The following DAAM2 variants were observed in gnomAD, a reference collection of about 807,000 sequenced individuals.
DAAM2 encodes disheveled-associated activator of morphogenesis 2.
DAAM2 carries 39 observed loss-of-function variants against 120.7 expected under a neutral mutation model. The observed-to-expected ratio is 0.32, with a 90% confidence interval of 0.25 to 0.42. The LOEUF (loss-of-function observed/expected upper bound fraction) is 0.42. Ranked by LOEUF, DAAM2 falls within the 10% of genes least tolerant of loss-of-function variation. DAAM2 has a pLI of 1.00. For missense variants in DAAM2, 1,283 were observed against 1,401.7 expected (o/e 0.92, Z 1.35); for synonymous variants, 488 against 524.9 (o/e 0.93, Z 0.96).
In DAAM2 at chr6:39,897,277, AG is replaced by A; in HGVS notation, c.2614del (p.Val872SerfsTer3). 6.3e-7 allele frequency: 1 copy of A among 1,589,200 alleles called. No individual in the cohort carries two copies. Among genetic ancestry groups the A allele is most frequent in the Non-Finnish European group, 8.6e-7 (1 of 1,157,646 alleles). On this transcript the variant is annotated frameshift_variant, in exon 21 of 25. Coordinates refer to ENST00000274867, the MANE Select transcript of DAAM2 (RefSeq NM_001201427.2). LOFTEE classifies it high-confidence loss of function. ...ELQHLPEAAK[V>X]NLAELEKEVG... ...TGCAACATCTTCCAGAAGCTGCCAAAGTCAAGTGAGGGTTCTCTCCAAGACT... is the reference window on the plus strand; with the variant it reads ...TGCAACATCTTCCAGAAGCTGCCAAATCAAGTGAGGGTTCTCTCCAAGACT...
At chr6:39,813,571 A>C (rs1001322397) in intron 1 of DAAM2, among the ~76,000 whole-genome samples, 1 of 151,764 alleles carries the variant, frequency 6.6e-6, no homozygotes, top group Admixed American at 6.6e-5. Flanking sequence ...TTTTTAAAAA[A>C]AATTCTCTCC....
In DAAM2 at chr6:39,898,346, C is replaced by T. The variant is rs374638745; in HGVS notation, c.2619-531C>T. ...AGAGCTTGGCCTCAAAAAGAGTGTG[C>T]GTACAGTTGGAAGAGTTGGGGCCAT... On this transcript the variant is annotated intron_variant, in intron 21 of 24. Transcript: ENST00000274867. Among the ~76,000 whole-genome samples, 54 of 152,138 alleles carry T rather than the reference C, an allele frequency of 3.5e-4. 3 individuals are homozygous for T. The highest frequency in any genetic ancestry group is 1.8e-3 in the Admixed American group (28 of 15,270).
At chr6:39,831,146 C>T (rs1027251202) in intron 1 of DAAM2, among the ~76,000 whole-genome samples, 3 of 152,128 alleles carry the variant, frequency 2.0e-5, no homozygotes, top group Non-Finnish European at 4.4e-5. Flanking sequence ...GGTAGTAATT[C>T]TAGTCACTGC....
chr6:39,793,774 T>C (rs1338914249), intron 1 of DAAM2, among the ~76,000 whole-genome samples: 2 of 152,158 alleles, frequency 1.3e-5, no homozygotes, highest in African/African-American at 4.8e-5. Context: ...CATCCCTGAG[T>C]AGCACAGTGC....
intron 7 of DAAM2, among the ~76,000 whole-genome samples, chr6:39,870,035 A>G (rs779000837): frequency 6.6e-6 from 1 of 152,176 alleles, no homozygotes; most frequent in Admixed American, 6.5e-5. Context: ...GATCTGTCTG[A>G]TTCCAAAGCT....
At chr6:39,824,004 G>T (rs561545315) in intron 1 of DAAM2, among the ~76,000 whole-genome samples, 38 of 152,194 alleles carry the variant, frequency 2.5e-4, no homozygotes, top group Non-Finnish European at 4.4e-4. Flanking sequence ...TGGTCATTCT[G>T]GTCGTCTTTT....
chr6:39,900,853 T>C (rs1766435103), intron 23 of DAAM2, among the ~76,000 whole-genome samples: 1 of 152,146 alleles, frequency 6.6e-6, no homozygotes, highest in Non-Finnish European at 1.5e-5. Flanking sequence ...ATAGCCACTG[T>C]TTTATAGCCA....
At chr6:39,798,102 G>C (rs1761754210) in intron 1 of DAAM2, among the ~76,000 whole-genome samples, 1 of 152,166 alleles carries the variant, frequency 6.6e-6, no homozygotes, top group Admixed American at 6.5e-5. Context: ...AGGTTTGCTG[G>C]CTCCTGCTCT....
intron 1 of DAAM2, among the ~76,000 whole-genome samples, chr6:39,838,361 C>T (rs531315682): frequency 1.3e-5 from 2 of 152,326 alleles, no homozygotes; most frequent in African/African-American, 2.4e-5. Context: ...GATGGCACCA[C>T]CTTTTCAAAC....
chr6:39,873,253 A>G lies in DAAM2; in HGVS notation c.1060A>G (p.Lys354Glu). Residue 354 changes from lysine (K) to glutamate (E), a missense_variant, in exon 10 of 25, where the codon AAG (lysine) becomes GAG (glutamate). Transcript: ENST00000274867. ...RRFDMVHIDT[K>E]SASQMFELIH... is the part of the protein sequence containing the mutation. ...TCTCTCCCAGGTCCACATCGACACCAAGAGTGCTTCCCAGATGTTTGAGTT... is the reference window on the plus strand; with the variant it reads ...TCTCTCCCAGGTCCACATCGACACCGAGAGTGCTTCCCAGATGTTTGAGTT... The G allele has an allele frequency of 6.2e-7, 1 of 1,612,490 alleles. No homozygotes were observed. Among genetic ancestry groups the G allele is most frequent in the Non-Finnish European group, 8.5e-7 (1 of 1,179,184 alleles).
intron 22 of DAAM2, 76 bp downstream of exon 22, chr6:39,899,013 C>T: frequency 8.3e-7 from 1 of 1,202,646 alleles, no homozygotes; most frequent in Admixed American, 2.2e-5. Flanking sequence ...CCCTAAGCTC[C>T]TACACAGGGG....
At chr6:39,851,480 A>C (rs2149273853) in intron 1 of DAAM2, among the ~76,000 whole-genome samples, 1 of 152,344 alleles carries the variant, frequency 6.6e-6, no homozygotes, top group Non-Finnish European at 1.5e-5. Flanking sequence ...TCTGGCATGT[A>C]GGAAAGTCTC....
chr6:39,859,766 G>GA (rs1162278910), intron 2 of DAAM2, among the ~76,000 whole-genome samples: 1 of 152,052 alleles, frequency 6.6e-6, no homozygotes, highest in Non-Finnish European at 1.5e-5. Flanking sequence ...AATGTGACTA[G>GA]AAAAAATTGA....
chr6:39,818,238 C>A (rs1289499460), intron 1 of DAAM2, among the ~76,000 whole-genome samples: 1 of 147,352 alleles, frequency 6.8e-6, no homozygotes, highest in Non-Finnish European at 1.5e-5. Context: ...GGTATTTGAC[C>A]AAATACCTGG....
chr6:39,897,111 G>T, intron 20 of DAAM2, 64 bp from the exon 21 acceptor site: 1 of 1,515,414 alleles, frequency 6.6e-7, no homozygotes, highest in South Asian at 1.2e-5. Flanking sequence ...TCCATCCTCT[G>T]ACCCTCTGAC....
At chr6:39,845,658 C>A (rs988904268) in intron 1 of DAAM2, among the ~76,000 whole-genome samples, 1 of 152,046 alleles carries the variant, frequency 6.6e-6, no homozygotes, top group African/African-American at 2.4e-5. Flanking sequence ...CCTCCTCCCT[C>A]TCTCTTCCTG....
Position 39,853,919 on chromosome 6 carries a change from A to G in DAAM2, c.-56-2328A>G, listed in dbSNP as rs540224713. 2.0e-5 allele frequency among the ~76,000 whole-genome samples: 3 copies of G among 152,280 alleles called. No homozygotes were observed. In the East Asian group the frequency reaches 5.8e-4, roughly 29 times the overall value. On this transcript the variant is annotated intron_variant, in intron 1 of 24. Transcript: ENST00000274867. ...CACTTGACAATGGGCAGGGGACCCC[A>G]GGGATTCCACCCCTACCTGCCTGAA...
In DAAM2 at chr6:39,879,321, G is replaced by C. The variant is rs760933075; in HGVS notation, c.1689G>C (p.Gly563=). 3 of 1,592,756 alleles carry C rather than the reference G, an allele frequency of 1.9e-6. No homozygotes were observed. Among genetic ancestry groups the C allele is most frequent in the Non-Finnish European group, 8.6e-7 (1 of 1,165,364 alleles). Residue 563 remains glycine (G), a synonymous_variant, in exon 14 of 25, where the codon GGG becomes GGC. Coordinates refer to ENST00000274867, the MANE Select transcript of DAAM2 (RefSeq NM_001201427.2). ...CCCCACCACCACCCCTTCCTCCCGG[G>C]GGACCCCCGACTCCCCCAGGTGCCC... ...PPPPPPPLPP[G]GPPTPPGAPP... is the part of the protein sequence containing the mutation.
At chr6:39,846,995 A>G (rs1763621102) in intron 1 of DAAM2, among the ~76,000 whole-genome samples, 1 of 152,144 alleles carries the variant, frequency 6.6e-6, no homozygotes, top group Admixed American at 6.5e-5. Flanking sequence ...TTACTGCCCC[A>G]TCCCAGTCTG....
Sources: gnomAD v4.1 joint callset for allele counts (sites outside exome capture counted in the v4.1 genomes callset) on GRCh38, gnomAD v4.1.1 for gene constraint, MANE v1.5 for transcripts, NCBI Gene and HGNC (gene_info 2026-07-23, HGNC 2026-07-21) for gene names.